Variants in ESYT2 observed in about 807,000 individuals in gnomAD.
ESYT2 encodes extended synaptotagmin-2.
A neutral mutation model predicts 107.2 loss-of-function variants in ESYT2; 54 were observed. That is an observed-to-expected ratio of 0.50 (90% CI 0.40 to 0.63). The LOEUF is 0.63. Ranked by LOEUF, ESYT2 falls within the 30% of genes least tolerant of loss-of-function variation. The pLI is 0.00. For missense variants in ESYT2, 1,020 were observed against 1,094.5 expected (o/e 0.93, Z 0.96); for synonymous variants, 491 against 434.1 (o/e 1.13, Z -1.63).
Position 158,802,562 on chromosome 7 carries a change from T to C in ESYT2, c.331-3490A>G, listed in dbSNP as rs142635837. On this transcript the variant is annotated intron_variant, in intron 1 of 22. Transcript: ENST00000275418. Reference sequence around the variant, plus strand: ...TCTAAAAGTGCTGGGATTACAGGCATGAGCCACCACACCAGGCTGATATAA... The same window carrying C: ...TCTAAAAGTGCTGGGATTACAGGCACGAGCCACCACACCAGGCTGATATAA... Among the ~76,000 whole-genome samples the C allele has an allele frequency of 3.4e-3, 516 of 152,304 alleles. 7 individuals are homozygous for C. Among genetic ancestry groups the C allele is most frequent in the Middle Eastern group, 6.8e-3 (2 of 294 alleles).
At chr7:158,826,834 A>AAAT (rs1436233937) in intron 1 of ESYT2, among the ~76,000 whole-genome samples, 1 of 150,446 alleles carries the variant, frequency 6.6e-6, no homozygotes, top group Non-Finnish European at 1.5e-5. Flanking sequence ...AAAAAAAAAA[A>AAAT]AATTTCAGTT....
intron 17 of ESYT2, among the ~76,000 whole-genome samples, 199 bp from the exon 18 acceptor site, chr7:158,742,095 C>T (rs1417301173): frequency 6.6e-6 from 1 of 152,142 alleles, no homozygotes; most frequent in African/African-American, 2.4e-5. Flanking sequence ...GAGATGAGGA[C>T]CTGCTAAGCT....
intron 1 of ESYT2, among the ~76,000 whole-genome samples, chr7:158,807,254 GAAAAAAAA>G (rs372309924): frequency 8.5e-5 from 10 of 117,236 alleles, no homozygotes; most frequent in Non-Finnish European, 9.9e-5. Flanking sequence ...CCGTCTGAAG[GAAAAAAAA>G]AAAAAAAAAA....
chr7:158,812,370 G>C (rs1041148513), intron 1 of ESYT2, among the ~76,000 whole-genome samples: 2 of 152,224 alleles, frequency 1.3e-5, no homozygotes, highest in African/African-American at 4.8e-5. Context: ...GGTGGTACTA[G>C]TCAGTCATCG....
chr7:158,750,545 G>A (rs2129471685), intron 14 of ESYT2, among the ~76,000 whole-genome samples: 1 of 152,238 alleles, frequency 6.6e-6, no homozygotes, highest in East Asian at 1.9e-4. Flanking sequence ...GTCAGAAATA[G>A]GTGTCAAAAT....
At chr7:158,780,344 A>C (rs1331632937) in intron 6 of ESYT2, among the ~76,000 whole-genome samples, 1 of 152,186 alleles carries the variant, frequency 6.6e-6, no homozygotes, top group Non-Finnish European at 1.5e-5. Context: ...TCTCGCCACT[A>C]TCAAGGACTA....
chr7:158,765,714 C>A (rs926538835), intron 8 of ESYT2, among the ~76,000 whole-genome samples: 1 of 151,822 alleles, frequency 6.6e-6, no homozygotes, highest in African/African-American at 2.4e-5. Flanking sequence ...CCAGCCTGAG[C>A]GACAGAGCAA....
At chr7:158,741,181 G>T (rs1837187629) in intron 18 of ESYT2, among the ~76,000 whole-genome samples, 2 of 152,200 alleles carry the variant, frequency 1.3e-5, no homozygotes, top group African/African-American at 4.8e-5. Context: ...CCGCAGCGAG[G>T]CCCGCGGGCC....
intron 1 of ESYT2, among the ~76,000 whole-genome samples, chr7:158,828,772 C>G (rs1840532813): frequency 6.6e-6 from 1 of 151,692 alleles, no homozygotes; most frequent in South Asian, 2.1e-4. Context: ...GGGCTGGGGT[C>G]TGCACTCGCC....
At chr7:158,736,961 T>G in intron 20 of ESYT2, 87 bp downstream of exon 20, 4 of 1,551,892 alleles carry the variant, frequency 2.6e-6, no homozygotes, top group Non-Finnish European at 3.5e-6. Flanking sequence ...ATTTATGTGC[T>G]TTGGCCACTC....
chr7:158,813,861 A>T (rs184760137), intron 1 of ESYT2, among the ~76,000 whole-genome samples: 26 of 152,268 alleles, frequency 1.7e-4, no homozygotes, highest in Admixed American at 8.5e-4. Context: ...ACTCTCACAG[A>T]TCAAAAACGT....
At chr7:158,801,178 C>G (rs1399906484) in intron 1 of ESYT2, among the ~76,000 whole-genome samples, 1 of 152,190 alleles carries the variant, frequency 6.6e-6, no homozygotes, top group Non-Finnish European at 1.5e-5. Context: ...GTGCCCCATT[C>G]TATTCTGGAA....
intron 13 of ESYT2, 134 bp from the exon 14 acceptor site, chr7:158,752,977 AAAC>A: frequency 2.2e-6 from 1 of 448,400 alleles, no homozygotes; most frequent in South Asian, 2.1e-5. Context: ...AGAATTACAC[AAAC>A]AACCAAAATG....
At chr7:158,749,556 T>G in intron 15 of ESYT2, 93 bp downstream of exon 15, 1 of 1,168,668 alleles carries the variant, frequency 8.6e-7, no homozygotes, top group Non-Finnish European at 1.3e-6. Flanking sequence ...CACAACTGAA[T>G]GTATTTGCAA....
chr7:158,767,540 T>A lies in ESYT2; in HGVS notation c.924+114A>T, dbSNP rs1216390558. ...AATAGTCAATGCATCAAGACCCGTG[T>A]GGCAAGCTGGCTGCTGGGGAGAGAC... On this transcript the variant is annotated intron_variant, in intron 8 of 22. Coordinates refer to ENST00000275418, the MANE Select transcript of ESYT2 (RefSeq NM_001367773.1). 5.6e-6 allele frequency: 8 copies of A among 1,417,284 alleles called. No homozygotes were observed. In the East Asian group the frequency reaches 1.9e-4, roughly 33 times the overall value. The allele number at this position is 1,417,284 out of a possible 1,614,324, so 87.8% of individuals were successfully genotyped here.
chr7:158,818,713 G>A (rs141071864), intron 1 of ESYT2, among the ~76,000 whole-genome samples: 2 of 152,318 alleles, frequency 1.3e-5, no homozygotes, highest in Non-Finnish European at 2.9e-5. Flanking sequence ...ACAGAGTCAG[G>A]CTCAACCCCC....
At chr7:158,772,413 TA>T (rs955042543) in intron 7 of ESYT2, among the ~76,000 whole-genome samples, 4 of 151,968 alleles carry the variant, frequency 2.6e-5, no homozygotes, top group Admixed American at 6.6e-5. Context: ...TATATGAGAA[TA>T]AAAAAATAGT....
intron 19 of ESYT2, among the ~76,000 whole-genome samples, chr7:158,737,897 ATT>A (rs1837024793): frequency 6.6e-6 from 1 of 152,248 alleles, no homozygotes; most frequent in Non-Finnish European, 1.5e-5. Flanking sequence ...CCACAGTATC[ATT>A]GTTAACAAAT....
chr7:158,824,522 T>C (rs1840383246), intron 1 of ESYT2, among the ~76,000 whole-genome samples: 1 of 152,232 alleles, frequency 6.6e-6, no homozygotes, highest in Non-Finnish European at 1.5e-5. Context: ...TTGCTAGAGT[T>C]AAATTTTCCT....
Sources: gnomAD v4.1 joint callset for allele counts (sites outside exome capture counted in the v4.1 genomes callset) on GRCh38, gnomAD v4.1.1 for gene constraint, MANE v1.5 for transcripts, NCBI Gene and HGNC (gene_info 2026-07-23, HGNC 2026-07-21) for gene names.